Variants in CDKAL1 observed in about 807,000 individuals in gnomAD.
CDKAL1 encodes CDKAL1 threonylcarbamoyladenosine tRNA methylthiotransferase.
In CDKAL1, 32 loss-of-function variants were observed where a neutral mutation model predicts 68.2. The observed-to-expected ratio is 0.47, with a 90% CI of 0.35 to 0.63. CDKAL1 has a LOEUF of 0.63. Ranked by LOEUF, CDKAL1 falls within the 30% of genes least tolerant of loss-of-function variation. The pLI is 0.00. For synonymous variants in CDKAL1, 234 were observed against 244.3 expected, an observed-to-expected ratio of 0.96 and a Z score of 0.39; for missense variants, 606 against 696.7, an observed-to-expected ratio of 0.87 and a Z score of 1.47.
intron 5 of CDKAL1, among the ~76,000 whole-genome samples, chr6:20,725,517 G>A (rs144969798): frequency 2.4e-4 from 37 of 152,316 alleles, no homozygotes; most frequent in African/African-American, 8.2e-4. Flanking sequence ...GGGCATGGTG[G>A]CTTATGCCTG....
intron 8 of CDKAL1, among the ~76,000 whole-genome samples, chr6:20,822,271 G>A (rs1777317418): frequency 1.3e-5 from 2 of 152,082 alleles, no homozygotes; most frequent in Admixed American, 6.6e-5. Flanking sequence ...AGCAAATATT[G>A]AACAACAGGA....
intron 8 of CDKAL1, among the ~76,000 whole-genome samples, chr6:20,813,431 T>C (rs1395319291): frequency 6.6e-6 from 1 of 152,218 alleles, no homozygotes; most frequent in African/African-American, 2.4e-5. Flanking sequence ...AACATTGTTT[T>C]TTGAAAAAGC....
intron 11 of CDKAL1, among the ~76,000 whole-genome samples, chr6:21,064,422 A>T (rs1261485257): frequency 6.6e-6 from 1 of 152,244 alleles, no homozygotes; most frequent in Non-Finnish European, 1.5e-5. Context: ...GGGGACTGGT[A>T]CATTATACAA....
chr6:20,879,519 A>C (rs1047285857), intron 9 of CDKAL1, among the ~76,000 whole-genome samples: 3 of 152,370 alleles, frequency 2.0e-5, no homozygotes, highest in South Asian at 4.1e-4. Context: ...TAGATGAAGA[A>C]CTAGAGATTC....
chr6:20,904,475 C>T (rs567925061), intron 9 of CDKAL1, among the ~76,000 whole-genome samples: 2 of 152,064 alleles, frequency 1.3e-5, no homozygotes, highest in African/African-American at 2.4e-5. Flanking sequence ...CAACTGGACA[C>T]GTATGAGGAA....
intron 12 of CDKAL1, among the ~76,000 whole-genome samples, chr6:21,100,024 T>A (rs979572597): frequency 6.6e-6 from 1 of 152,200 alleles, no homozygotes; most frequent in Non-Finnish European, 1.5e-5. Context: ...CATCACTGAA[T>A]TAACACAGAA....
chr6:20,540,502 C>T (rs528841949), intron 2 of CDKAL1, among the ~76,000 whole-genome samples: 2 of 151,466 alleles, frequency 1.3e-5, no homozygotes, highest in Admixed American at 6.6e-5. Context: ...GTCGCCCAGG[C>T]TGGAGTGCAG....
chr6:21,007,159 C>A (rs1219561558), intron 11 of CDKAL1, among the ~76,000 whole-genome samples: 1 of 152,006 alleles, frequency 6.6e-6, no homozygotes, highest in Admixed American at 6.6e-5. Context: ...GTTGTTGAGG[C>A]CAGGCATGGT....
Position 21,000,210 on chromosome 6 carries a change from C to T in CDKAL1, c.910-17C>T. On this transcript the variant is annotated splice_polypyrimidine_tract_variant and intron_variant, in intron 10 of 15. Transcript: ENST00000274695. ...TTTGTTAAAATGATTAGTGTTTTCT[C>T]CTTCCATTTTTTTAAGGAAATGGCA... 6.2e-7 allele frequency: 1 copy of T among 1,605,500 alleles called. No homozygotes were observed.
At position 21,067,180 on chromosome 6, in the gene CDKAL1, T is replaced by C. The variant is rs1017945836; in HGVS notation, c.1236+1952T>C. 3.3e-5 allele frequency among the ~76,000 whole-genome samples: 5 copies of C among 152,222 alleles called. No homozygotes were observed. The East Asian group carries it at 9.7e-4, about 29-fold the overall frequency. On this transcript the variant is annotated intron_variant, in intron 12 of 15. Coordinates refer to ENST00000274695, the MANE Select transcript of CDKAL1 (RefSeq NM_017774.3). ...TCACCAAGTACCACACAGGTCCCTG[T>C]CATGTCCTCCATTTACTGTCCTCTC...
intron 10 of CDKAL1, among the ~76,000 whole-genome samples, chr6:20,960,865 A>G (rs1181364339): frequency 2.0e-5 from 3 of 152,244 alleles, no homozygotes; most frequent in Non-Finnish European, 4.4e-5. Context: ...TACTATAGCG[A>G]TAGATAGTAT....
chr6:20,968,185 G>A (rs1416389925), intron 10 of CDKAL1, among the ~76,000 whole-genome samples: 1 of 150,000 alleles, frequency 6.7e-6, no homozygotes, highest in Non-Finnish European at 1.5e-5. Flanking sequence ...TTGGACCAGG[G>A]TCTCACTGTG....
At chr6:20,770,387 T>C (rs1239754064) in intron 7 of CDKAL1, among the ~76,000 whole-genome samples, 5 of 152,326 alleles carry the variant, frequency 3.3e-5, no homozygotes, top group East Asian at 3.9e-4. Flanking sequence ...ACTTTGTATA[T>C]AGAGTTTTTA....
At chr6:20,775,236 T>G (rs1775122963) in intron 7 of CDKAL1, among the ~76,000 whole-genome samples, 1 of 152,200 alleles carries the variant, frequency 6.6e-6, no homozygotes, top group Non-Finnish European at 1.5e-5. Context: ...TCCCCATCTG[T>G]TCCTATTAAT....
chr6:20,789,554 TAG>T (rs1302233571), intron 8 of CDKAL1, among the ~76,000 whole-genome samples: 2 of 152,206 alleles, frequency 1.3e-5, no homozygotes, highest in Non-Finnish European at 1.5e-5. Flanking sequence ...GTTACTAGCA[TAG>T]AGAAATTACT....
intron 4 of CDKAL1, chr6:20,558,904 C>G: frequency 3.7e-6 from 1 of 270,652 alleles, no homozygotes; most frequent in Non-Finnish European, 7.3e-6. Flanking sequence ...GCTGGGATTA[C>G]AGGCGTGAGC....
intron 4 of CDKAL1, among the ~76,000 whole-genome samples, chr6:20,557,062 T>A (rs9348434): frequency 0.22 from 29,457 of 133,966 alleles, 4,210 homozygotes; most frequent in South Asian, 0.41. Context: ...AATAAATAAA[T>A]AAATAAATAA....
chr6:21,022,229 C>T (rs530885352), intron 11 of CDKAL1, among the ~76,000 whole-genome samples: 1 of 152,300 alleles, frequency 6.6e-6, no homozygotes, highest in African/African-American at 2.4e-5. Context: ...GTTCTCTAAT[C>T]TTCAGATAGT....
At chr6:20,874,076 T>TATAC (rs1760362590) in intron 9 of CDKAL1, among the ~76,000 whole-genome samples, 8 of 152,122 alleles carry the variant, frequency 5.3e-5, no homozygotes, top group Admixed American at 1.3e-4. Flanking sequence ...TTGAAGGACG[T>TATAC]TGGGCCTGGG....
Sources: allele counts gnomAD v4.1 joint callset (sites outside exome capture counted in the v4.1 genomes callset), GRCh38; gene constraint gnomAD v4.1.1; transcripts MANE v1.5; gene names NCBI Gene and HGNC (gene_info 2026-07-23, HGNC 2026-07-21).